The following TMEM91 variants were observed in gnomAD, a reference collection of about 807,000 sequenced individuals.
TMEM91 encodes dispanin subfamily C member 3.
TMEM91 carries 6 observed loss-of-function variants against 13.3 expected under a neutral mutation model. The ratio of observed to expected loss-of-function variants is 0.45; its 90% CI spans 0.25 to 0.89. TMEM91 has a LOEUF of 0.89. Ranked by LOEUF, TMEM91 falls within the 40% of genes least tolerant of loss-of-function variation. TMEM91 has a pLI of 0.19. For missense variants in TMEM91, 193 were observed against 228.7 expected (o/e 0.84, Z 1.01); for synonymous variants, 87 against 101.7 (o/e 0.86, Z 0.87).
chr19:41,379,613 GAGAA>G (rs746269737), intron 2 of TMEM91, among the ~76,000 whole-genome samples: 17 of 150,216 alleles, frequency 1.1e-4, no homozygotes, highest in Admixed American at 3.4e-4. Context: ...AAAAGAGAGA[GAGAA>G]AGAGAGAAAG....
chr19:41,372,365 G>C (rs2038638044), upstream of TMEM91, among the ~76,000 whole-genome samples: 1 of 151,854 alleles, frequency 6.6e-6, no homozygotes, highest in Non-Finnish European at 1.5e-5. Context: ...AGTTTTGGGA[G>C]AGATGGGGGT....
chr19:41,368,429 G>GC (rs2038562584), intron 1 of TMEM91, among the ~76,000 whole-genome samples: 1 of 148,758 alleles, frequency 6.7e-6, no homozygotes, highest in Admixed American at 6.7e-5. Flanking sequence ...TTTTTTTGGG[G>GC]GGGGTGGTTA....
chr19:41,369,393 G>GTTAA (rs1191735374), intron 1 of TMEM91, among the ~76,000 whole-genome samples: 2 of 151,896 alleles, frequency 1.3e-5, no homozygotes, highest in East Asian at 3.9e-4. Context: ...GGCCATCCCG[G>GTTAA]CTACTTTGGA....
chr19:41,366,482 A>G (rs931397591), intron 1 of TMEM91, among the ~76,000 whole-genome samples: 2 of 152,032 alleles, frequency 1.3e-5, no homozygotes, highest in African/African-American at 4.8e-5. Context: ...TGCACCCCAC[A>G]TGCAGCTGGA....
chr19:41,382,460 C>T (rs533184268), intron 2 of TMEM91, among the ~76,000 whole-genome samples: 42 of 152,172 alleles, frequency 2.8e-4, no homozygotes, highest in Non-Finnish European at 4.6e-4. Flanking sequence ...CCCATCTCTA[C>T]TAAAAATACA....
chr19:41,383,699 C>T lies in TMEM91; in HGVS notation c.361-16C>T. Reference sequence around the variant, plus strand: ...TGAGGGGATGCCTGGGTCACTGCTGCCCACTGCCTCTACAGACCAACAAGG... The same window carrying T: ...TGAGGGGATGCCTGGGTCACTGCTGTCCACTGCCTCTACAGACCAACAAGG... On this transcript the variant is annotated splice_polypyrimidine_tract_variant and intron_variant, in intron 3 of 3. Transcript: ENST00000392002. The T allele has an allele frequency of 6.2e-7, 1 of 1,613,398 alleles. No individual in the cohort carries two copies.
upstream of TMEM91, among the ~76,000 whole-genome samples, chr19:41,373,167 T>C (rs960446613): frequency 6.6e-6 from 1 of 152,164 alleles, no homozygotes; most frequent in Non-Finnish European, 1.5e-5. Context: ...CTTGAACTTT[T>C]GGGTTTAAGT....
chr19:41,379,599 AAAG>A (rs1016139517), intron 2 of TMEM91, among the ~76,000 whole-genome samples: 1 of 151,228 alleles, frequency 6.6e-6, no homozygotes, highest in African/African-American at 2.4e-5. Flanking sequence ...GGAAGGAAAG[AAAG>A]AAAAGAGAGA....
chr19:41,368,399 A>T, intron 1 of TMEM91, among the ~76,000 whole-genome samples: 1 of 143,512 alleles, frequency 7.0e-6, no homozygotes, highest in East Asian at 2.1e-4. Flanking sequence ...CCTGGGTGAC[A>T]GAGTGAAAAC....
chr19:41,364,109 C>G (rs746533349), intron 1 of TMEM91: 6 of 164,590 alleles, frequency 3.6e-5, no homozygotes, highest in African/African-American at 9.6e-5. Flanking sequence ...AGCCGCGATA[C>G]TTCCGCGACC....
upstream of TMEM91, chr19:41,374,277 T>C (rs1464248297): frequency 6.6e-6 from 1 of 152,150 alleles, no homozygotes; most frequent in Non-Finnish European, 1.5e-5. Context: ...TCCTCCAGTC[T>C]GGTGAGACGG....
At chr19:41,369,902 T>C (rs2123164029) in intron 1 of TMEM91, among the ~76,000 whole-genome samples, 1 of 152,286 alleles carries the variant, frequency 6.6e-6, no homozygotes, top group African/African-American at 2.4e-5. Flanking sequence ...TGTTCAATAG[T>C]GTTAAGTACA....
At chr19:41,365,202 T>G (rs1278547461) in intron 1 of TMEM91, among the ~76,000 whole-genome samples, 1 of 151,986 alleles carries the variant, frequency 6.6e-6, no homozygotes, top group Non-Finnish European at 1.5e-5. Flanking sequence ...TACAAAGTAT[T>G]TACAAGCTAC....
At chr19:41,367,459 C>T (rs1398167136) in intron 1 of TMEM91, among the ~76,000 whole-genome samples, 5 of 152,026 alleles carry the variant, frequency 3.3e-5, no homozygotes, top group Non-Finnish European at 7.4e-5. Context: ...GATGAAACCT[C>T]GTGTCTACTA....
At chr19:41,369,812 T>C (rs1323794489) in intron 1 of TMEM91, among the ~76,000 whole-genome samples, 3 of 151,926 alleles carry the variant, frequency 2.0e-5, no homozygotes, top group African/African-American at 7.2e-5. Context: ...TGTCTCAAAA[T>C]AAATAAATAA....
intron 1 of TMEM91, among the ~76,000 whole-genome samples, chr19:41,378,079 T>C (rs1219405668): frequency 6.7e-6 from 1 of 148,560 alleles, no homozygotes; most frequent in African/African-American, 2.5e-5. Flanking sequence ...ATGCCCAAAA[T>C]TGAATGTCCA....
chr19:41,373,142 G>A (rs1227404562), upstream of TMEM91, among the ~76,000 whole-genome samples: 1 of 152,036 alleles, frequency 6.6e-6, no homozygotes, highest in Non-Finnish European at 1.5e-5. Flanking sequence ...ATTTCACTTT[G>A]TTGCCCTGGC....
At position 41,379,550 on chromosome 19, in the gene TMEM91, G is replaced by GGA. The variant is rs904015109; in HGVS notation, c.210+1048_210+1049dup. Among the ~76,000 whole-genome samples the GGA allele has an allele frequency of 9.6e-5, 14 of 145,884 alleles. No homozygotes were observed. The East Asian group carries it at 1.6e-3, about 17-fold the overall frequency. On this transcript the variant is annotated intron_variant, in intron 2 of 3. Transcript: ENST00000392002. ...AGAAAGAAAAAGAGAGGGAGAGGGG[G>GGA]GAGAGAGAGAGAGAGAGAAAGAGAG...
intron 1 of TMEM91, among the ~76,000 whole-genome samples, chr19:41,368,702 G>T (rs1240153311): frequency 2.0e-5 from 3 of 151,952 alleles, no homozygotes; most frequent in African/African-American, 7.2e-5. Flanking sequence ...GAGCCACTGT[G>T]CCCGGCCTGA....
Sources: allele counts gnomAD v4.1 joint callset (sites outside exome capture counted in the v4.1 genomes callset), GRCh38; gene constraint gnomAD v4.1.1; transcripts MANE v1.5; gene names NCBI Gene and HGNC (gene_info 2026-07-23, HGNC 2026-07-21).